Variants in PTCHD4 observed in about 807,000 individuals in gnomAD.
PTCHD4 encodes patched domain-containing protein 4.
A neutral mutation model predicts 58.1 loss-of-function variants in PTCHD4; 33 were observed. The ratio of observed to expected loss-of-function variants is 0.57; its 90% confidence interval spans 0.43 to 0.76. PTCHD4 has a LOEUF of 0.76. Among genes scored for constraint, PTCHD4 ranks in the 30% least tolerant of loss-of-function variants. The pLI, the probability that PTCHD4 is intolerant of heterozygous loss-of-function variation, is 0.00. For synonymous variants in PTCHD4, 478 were observed against 409.6 expected (o/e 1.17, Z -2.02); for missense variants, 1,058 against 1,027.1 (o/e 1.03, Z -0.41).
Position 47,957,689 on chromosome 6 carries a change from C to T in PTCHD4, c.898+50945G>A, listed in dbSNP as rs139539801. Among the ~76,000 whole-genome samples, 459 of 151,628 alleles carry T rather than the reference C, an allele frequency of 3.0e-3. 3 individuals are homozygous for T. Among genetic ancestry groups the T allele is most frequent in the African/African-American group, 0.01 (433 of 41,296 alleles). On this transcript the variant is annotated intron_variant, in intron 4 of 4. Transcript: ENST00000339488. ...AATCTTGGCTCTCTGTAAGCTCTGCCTCCCGGGTTCACGCCATTCTTCTGC... is the reference window on the plus strand; with the variant it reads ...AATCTTGGCTCTCTGTAAGCTCTGCTTCCCGGGTTCACGCCATTCTTCTGC...
chr6:47,999,559 C>T (rs1768638956), intron 4 of PTCHD4, among the ~76,000 whole-genome samples: 1 of 152,148 alleles, frequency 6.6e-6, no homozygotes, highest in Non-Finnish European at 1.5e-5. Flanking sequence ...TTTAGCCAAG[C>T]ATTAAGTCTT....
chr6:47,997,452 G>T (rs964125314), intron 4 of PTCHD4, among the ~76,000 whole-genome samples: 1 of 151,904 alleles, frequency 6.6e-6, no homozygotes, highest in Admixed American at 6.6e-5. Flanking sequence ...TCATTAAATA[G>T]AATATTTAGT....
At chr6:48,011,316 T>C (rs1242304373) in intron 3 of PTCHD4, among the ~76,000 whole-genome samples, 1 of 152,204 alleles carries the variant, frequency 6.6e-6, no homozygotes, top group Non-Finnish European at 1.5e-5. Flanking sequence ...GATTTGCATT[T>C]CTCTAATGAG....
chr6:47,988,847 T>C (rs1768175715), intron 4 of PTCHD4, among the ~76,000 whole-genome samples: 1 of 152,154 alleles, frequency 6.6e-6, no homozygotes, highest in African/African-American at 2.4e-5. Flanking sequence ...ATTCAGTAAA[T>C]TGGTACCAGT....
chr6:48,005,524 T>C (rs1310366820), intron 4 of PTCHD4, among the ~76,000 whole-genome samples: 1 of 152,194 alleles, frequency 6.6e-6, no homozygotes, highest in Admixed American at 6.5e-5. Context: ...CAGATATATA[T>C]GTGGCAAACA....
chr6:47,967,117 A>T (rs902444093), intron 4 of PTCHD4, among the ~76,000 whole-genome samples: 1 of 152,184 alleles, frequency 6.6e-6, no homozygotes, highest in Non-Finnish European at 1.5e-5. Context: ...TGTATTTCTT[A>T]ATAATAAGAC....
At chr6:47,885,830 T>C (rs1314660458) in intron 4 of PTCHD4, among the ~76,000 whole-genome samples, 1 of 151,966 alleles carries the variant, frequency 6.6e-6, no homozygotes, top group East Asian at 1.9e-4. Flanking sequence ...TCTTTTTTCT[T>C]TTTTTTGAGA....
intron 4 of PTCHD4, among the ~76,000 whole-genome samples, chr6:47,964,502 G>A (rs1767212696): frequency 6.6e-6 from 1 of 152,054 alleles, no homozygotes; most frequent in Non-Finnish European, 1.5e-5. Flanking sequence ...CTAACTATTG[G>A]GGGCTGGAAA....
intron 1 of PTCHD4, among the ~76,000 whole-genome samples, chr6:48,085,498 C>A (rs1321458600): frequency 6.6e-6 from 1 of 152,270 alleles, no homozygotes; most frequent in Middle Eastern, 3.4e-3. Flanking sequence ...TCATCAAGAA[C>A]CAAGAAAAGC....
At chr6:48,078,851 G>A (rs1023830817) in intron 1 of PTCHD4, among the ~76,000 whole-genome samples, 5 of 152,102 alleles carry the variant, frequency 3.3e-5, no homozygotes. Context: ...GGGCGCGGTG[G>A]CTCATGCCTG....
intron 4 of PTCHD4, chr6:47,900,061 C>G (rs889210390): frequency 1.3e-5 from 2 of 152,022 alleles, no homozygotes; most frequent in African/African-American, 4.8e-5. Flanking sequence ...TTGTGTCTAC[C>G]TTTTGCCATT....
chr6:47,974,902 A>G (rs922190153), intron 4 of PTCHD4, among the ~76,000 whole-genome samples: 1 of 152,194 alleles, frequency 6.6e-6, no homozygotes, highest in Non-Finnish European at 1.5e-5. Flanking sequence ...TTATAATCAA[A>G]CTATAGCAGC....
Position 47,970,503 on chromosome 6 carries a change from C to T in PTCHD4, c.898+38131G>A, listed in dbSNP as rs183076467. Among the ~76,000 whole-genome samples, 39 of 152,196 alleles carry T rather than the reference C, an allele frequency of 2.6e-4. No homozygotes were observed. In the East Asian group the frequency reaches 6.4e-3, roughly 25 times the overall value. ...AGGGTGTGAGGCTTGCCTGAGAAGA[C>T]CAGGCCTGGTTGAAATCTTCTTAAG... On this transcript the variant is annotated intron_variant, in intron 4 of 4. Transcript: ENST00000339488.
chr6:47,959,494 A>C (rs1294813697), intron 4 of PTCHD4, among the ~76,000 whole-genome samples: 1 of 152,180 alleles, frequency 6.6e-6, no homozygotes, highest in African/African-American at 2.4e-5. Flanking sequence ...ATGGGGGAGC[A>C]GAAAAATATT....
intron 4 of PTCHD4, among the ~76,000 whole-genome samples, chr6:47,915,587 G>C (rs200477087): frequency 2.4e-5 from 2 of 82,042 alleles, no homozygotes; most frequent in African/African-American, 7.5e-5. Flanking sequence ...TTTTTTTTTT[G>C]CATGTTAGAA....
intron 4 of PTCHD4, among the ~76,000 whole-genome samples, chr6:47,940,109 T>A (rs538227297): frequency 6.6e-6 from 1 of 152,090 alleles, no homozygotes; most frequent in Non-Finnish European, 1.5e-5. Flanking sequence ...TCTGCAAAGG[T>A]CCCTTATCCA....
intron 4 of PTCHD4, among the ~76,000 whole-genome samples, chr6:47,943,680 C>T (rs571635421): frequency 1.3e-5 from 2 of 152,048 alleles, no homozygotes; most frequent in Non-Finnish European, 2.9e-5. Flanking sequence ...TTATATATTG[C>T]CTATGGTAAC....
chr6:48,004,311 G>T (rs1768863500), intron 4 of PTCHD4, among the ~76,000 whole-genome samples: 2 of 152,170 alleles, frequency 1.3e-5, no homozygotes, highest in Non-Finnish European at 2.9e-5. Flanking sequence ...CAAGCTGACT[G>T]AAGTGAGACT....
At chr6:48,014,377 T>C (rs1374156425) in intron 3 of PTCHD4, among the ~76,000 whole-genome samples, 3 of 152,162 alleles carry the variant, frequency 2.0e-5, no homozygotes, top group Admixed American at 6.6e-5. Context: ...GACAAAGAAT[T>C]AATATAAGAA....
Sources: gnomAD v4.1 joint callset for allele counts (sites outside exome capture counted in the v4.1 genomes callset) on GRCh38, gnomAD v4.1.1 for gene constraint, MANE v1.5 for transcripts, NCBI Gene and HGNC (gene_info 2026-07-23, HGNC 2026-07-21) for gene names.